The following NEBL variants were observed in gnomAD, a reference collection of about 807,000 sequenced individuals.
NEBL encodes LIM and SH3 protein 2.
A neutral mutation model predicts 140.2 loss-of-function variants in NEBL; 122 were observed. The observed-to-expected ratio is 0.87, with a 90% CI of 0.75 to 1.01. The LOEUF is 1.01. Among genes scored for constraint, NEBL ranks in the 50% least tolerant of loss-of-function variants. The pLI is 0.00. For synonymous variants in NEBL, 436 were observed against 398.9 expected, an observed-to-expected ratio of 1.09 and a Z score of -1.11; for missense variants, 1,365 against 1,231.3, an observed-to-expected ratio of 1.11 and a Z score of -1.62.
chr10:20,836,291 C>T (rs1175554925), intron 13 of NEBL, among the ~76,000 whole-genome samples: 11 of 151,988 alleles, frequency 7.2e-5, no homozygotes, highest in African/African-American at 2.4e-4. Flanking sequence ...GGCGTGATCT[C>T]GGCTCACTGC....
At chr10:20,892,996 C>G (rs192408701) in intron 2 of NEBL, among the ~76,000 whole-genome samples, 2 of 152,192 alleles carry the variant, frequency 1.3e-5, no homozygotes, top group Non-Finnish European at 2.9e-5. Context: ...GGAGTAACCA[C>G]AGAATTTAAT....
At chr10:21,156,184 G>A (rs930018507) in intron 2 of NEBL, among the ~76,000 whole-genome samples, 6 of 152,210 alleles carry the variant, frequency 3.9e-5, no homozygotes, top group Non-Finnish European at 7.3e-5. Context: ...TTCTATTCAT[G>A]TAATTTGCGA....
chr10:20,786,019 T>G, intron 27 of NEBL, 96 bp from the exon 28 acceptor site: 1 of 1,211,532 alleles, frequency 8.3e-7, no homozygotes, highest in Non-Finnish European at 1.2e-6. Flanking sequence ...AAGTAACTAT[T>G]AGGAATGTTT....
At chr10:21,000,922 G>C (rs10828170) in intron 3 of NEBL, among the ~76,000 whole-genome samples, 1 of 152,118 alleles carries the variant, frequency 6.6e-6, no homozygotes, top group Non-Finnish European at 1.5e-5. Context: ...GAGAAAAAGG[G>C]AAGAAGCCCA....
chr10:21,138,001 G>A (rs1221012000), intron 2 of NEBL, among the ~76,000 whole-genome samples: 1 of 151,768 alleles, frequency 6.6e-6, no homozygotes, highest in Non-Finnish European at 1.5e-5. Flanking sequence ...GAAGTGGATG[G>A]AGAGGAGCCC....
chr10:20,992,088 TC>T (rs1273987819), intron 3 of NEBL, among the ~76,000 whole-genome samples: 1 of 152,218 alleles, frequency 6.6e-6, no homozygotes, highest in Admixed American at 6.5e-5. Context: ...AATGCAGGTA[TC>T]TTTTTGGTAG....
rs761798662 is a variant in NEBL at position 20,819,481 on chromosome 10, C to T, written c.1998G>A (p.Pro666=). The T allele has an allele frequency of 8.6e-5, 138 of 1,614,014 alleles. No homozygotes were observed. The highest frequency in any genetic ancestry group is 9.8e-5 in the Non-Finnish European group (116 of 1,179,946). Residue 666 remains proline, a synonymous_variant, in exon 20 of 28, where the codon CCG becomes CCA. Coordinates refer to ENST00000377122, the MANE Select transcript of NEBL (RefSeq NM_006393.3). ...TCTCTATCTCCGGGGTCATGCTTAC[C>T]GGAGTGGCCTTGTAGTTTTGCTCTT... is the stretch of plus-strand genomic sequence containing the variant. ...QYKEQNYKAT[P]VSMTPEIERV...
intron 3 of NEBL, among the ~76,000 whole-genome samples, chr10:21,234,194 C>A (rs1251090471): frequency 1.3e-5 from 2 of 151,938 alleles, no homozygotes; most frequent in African/African-American, 2.4e-5. Flanking sequence ...GATTTGGATT[C>A]AGAGACGCTG....
intron 26 of NEBL, among the ~76,000 whole-genome samples, chr10:20,808,082 C>T (rs1441919348): frequency 6.6e-6 from 1 of 151,158 alleles, no homozygotes; most frequent in Non-Finnish European, 1.5e-5. Flanking sequence ...TTAAAATATA[C>T]ACATTCATTA....
chr10:20,786,394 T>C (rs45543632), intron 27 of NEBL, among the ~76,000 whole-genome samples: 1,758 of 152,324 alleles, frequency 0.012, 14 homozygotes, highest in Non-Finnish European at 0.015. Context: ...ACATACTCAC[T>C]ATATAGGTTT....
At chr10:21,201,638 CA>C (rs1227898999) in intron 3 of NEBL, among the ~76,000 whole-genome samples, 4 of 152,112 alleles carry the variant, frequency 2.6e-5, no homozygotes, top group African/African-American at 9.7e-5. Flanking sequence ...GCAAACATCA[CA>C]AAATCTGGAA....
At position 20,812,332 on chromosome 10, in the gene NEBL, A is replaced by C. The variant is rs569727297; in HGVS notation, c.2518+437T>G. Among the ~76,000 whole-genome samples, 11 of 151,738 alleles carry C rather than the reference A, an allele frequency of 7.2e-5. No homozygotes were observed. The East Asian group carries it at 1.2e-3, about 16-fold the overall frequency. ...AAGGAGGAACATTCTTTTTTTTATT[A>C]TTATTATACTTGAAGTTCTAGGGTA... On this transcript the variant is annotated intron_variant, in intron 24 of 27. Coordinates refer to ENST00000377122, the MANE Select transcript of NEBL (RefSeq NM_006393.3).
chr10:20,942,747 A>T (rs1834944034), intron 4 of NEBL, among the ~76,000 whole-genome samples: 1 of 152,196 alleles, frequency 6.6e-6, no homozygotes, highest in Admixed American at 6.5e-5. Flanking sequence ...TACAAGAAAA[A>T]AACAAACAAC....
intron 4 of NEBL, among the ~76,000 whole-genome samples, chr10:20,886,753 C>T (rs915720773): frequency 2.0e-5 from 3 of 152,124 alleles, no homozygotes; most frequent in African/African-American, 7.2e-5. Flanking sequence ...CTGGGGACAG[C>T]TCATTGGGTT....
intron 2 of NEBL, among the ~76,000 whole-genome samples, chr10:21,151,748 C>T (rs1437476014): frequency 6.6e-6 from 1 of 152,186 alleles, no homozygotes; most frequent in Non-Finnish European, 1.5e-5. Context: ...CTTGCCTATA[C>T]CAGGTTTTGC....
At chr10:21,047,629 A>C (rs1834579964) in intron 2 of NEBL, among the ~76,000 whole-genome samples, 1 of 152,074 alleles carries the variant, frequency 6.6e-6, no homozygotes. Flanking sequence ...GGCCAAGTAC[A>C]TAGCATTGAC....
intron 5 of NEBL, among the ~76,000 whole-genome samples, chr10:20,880,034 C>A (rs1845869046): frequency 6.6e-6 from 1 of 152,174 alleles, no homozygotes; most frequent in Admixed American, 6.5e-5. Flanking sequence ...CCCCATGGGT[C>A]TTAGGTTGGA....
chr10:21,106,578 G>C (rs1837726916), intron 2 of NEBL, among the ~76,000 whole-genome samples: 1 of 151,556 alleles, frequency 6.6e-6, no homozygotes, highest in Non-Finnish European at 1.5e-5. Context: ...AGCCTGTTTT[G>C]GTTACTATAG....
In NEBL at chr10:20,880,862, C is replaced by G. The variant is rs561316471; in HGVS notation, c.412G>C (p.Asp138His). The change falls in exon 5 of 28, where the codon GAT becomes CAT. Residue 138 changes from aspartate to histidine, a missense_variant. By Grantham distance (81) the Asp-to-His change is moderately conservative (BLOSUM62 -1). This residue lies in a region of NEBL where 1,323 missense variants were observed against 1,154.8 expected (regional missense o/e 1.15). Coordinates refer to ENST00000377122, the MANE Select transcript of NEBL (RefSeq NM_006393.3). ...QKHDAAKGFS[D>H]YAHMKEPPEV... ...GGGGGCTCCTTCATGTGGGCATAAT[C>G]TGAGAATCCTTTGGCAGCATCATGT... 16 of 1,614,148 alleles carry G rather than the reference C, an allele frequency of 9.9e-6. 1 individual carries two copies. The Admixed American group carries it at 1.7e-4, about 17-fold the overall frequency.
Sources: gnomAD v4.1 joint callset for allele counts (sites outside exome capture counted in the v4.1 genomes callset) on GRCh38, gnomAD v4.1.1 for gene constraint, gnomAD v4.1.1 regional missense constraint, MANE v1.5 for transcripts, NCBI Gene and HGNC (gene_info 2026-07-23, HGNC 2026-07-21) for gene names.